The following LYST variants were observed in gnomAD, a reference collection of about 807,000 sequenced individuals.
LYST encodes the protein lysosomal-trafficking regulator.
Under a neutral mutation model 413.6 loss-of-function variants are expected in LYST, and 192 were observed. That is an observed-to-expected ratio of 0.46 (90% CI 0.41 to 0.52). The LOEUF is 0.52. Among genes scored for constraint, LYST ranks in the 20% least tolerant of loss-of-function variants. The pLI, the probability that LYST is intolerant of heterozygous loss-of-function variation, is 0.00. For synonymous variants in LYST, 1,525 were observed against 1,567.3 expected (o/e 0.97, Z 0.64); for missense variants, 3,815 against 4,499.9 (o/e 0.85, Z 4.35).
intron 3 of LYST, among the ~76,000 whole-genome samples, chr1:235,828,504 A>C (rs1307821611): frequency 6.6e-6 from 1 of 152,182 alleles, no homozygotes; most frequent in African/African-American, 2.4e-5. Flanking sequence ...GGATCTATAG[A>C]TTTGGAGAAA....
chr1:235,873,643 A>C (rs532750695), intron 1 of LYST, among the ~76,000 whole-genome samples: 4 of 152,224 alleles, frequency 2.6e-5, no homozygotes, highest in Admixed American at 2.6e-4. Flanking sequence ...ATTGAGCATA[A>C]TTCTTAGCCA....
intron 9 of LYST, 121 bp downstream of exon 9, chr1:235,800,750 C>G: frequency 1.4e-6 from 1 of 711,546 alleles, no homozygotes; most frequent in Non-Finnish European, 2.4e-6. Flanking sequence ...ACCTGAGGTA[C>G]CAGAAAAGAT....
At chr1:235,714,678 T>G (rs891727115) in intron 42 of LYST, among the ~76,000 whole-genome samples, 1 of 152,236 alleles carries the variant, frequency 6.6e-6, no homozygotes, top group Non-Finnish European at 1.5e-5. Context: ...CTAAGTCATG[T>G]TCAGGCCTCC....
At position 235,664,685 on chromosome 1, in the gene LYST, C is replaced by T; in HGVS notation, c.11039-64G>A. ...GGCTGTCTCAGAGCCCACATTTGGC[C>T]CCAGAAGGGCAACCCTGAAGGGCAA... On this transcript the variant is annotated intron_variant, in intron 50 of 52. Transcript: ENST00000389793. The surrounding 1 kb of genome is among the most constrained non-coding windows in gnomAD (Gnocchi z 4.5). 2.0e-5 allele frequency: 30 copies of T among 1,519,498 alleles called. No homozygotes were observed. Among genetic ancestry groups the T allele is most frequent in the Non-Finnish European group, 2.7e-5 (30 of 1,095,818 alleles). 94.1% of individuals were successfully genotyped at this position (1,519,498 alleles called of 1,614,324 possible).
chr1:235,754,944 C>A (rs994020371), intron 25 of LYST, among the ~76,000 whole-genome samples: 1 of 151,282 alleles, frequency 6.6e-6, no homozygotes, highest in Non-Finnish European at 1.5e-5. Flanking sequence ...TGTGGTGGTG[C>A]GTGCCTGTAA....
chr1:235,766,229 A>T lies in LYST; in HGVS notation c.5971T>A (p.Ser1991Thr), dbSNP rs999648750. The T allele has an allele frequency of 6.2e-7, 1 of 1,613,358 alleles. No homozygotes were observed. The highest frequency in any genetic ancestry group is 1.7e-5 in the Admixed American group (1 of 59,970). ...ACTTCTGCTATAATTTTCACAAATG[A>T]TCTACAAACCTCTCGGGGCATGGGT... ...LTPMPREVCR[S>T]FVKIIAEVLG... Residue 1991 changes from serine (S) to threonine (T), a missense_variant, in exon 21 of 53, where the codon TCA (serine) becomes ACA (threonine). Transcript: ENST00000389793.
At chr1:235,668,235 T>A (rs1658660430) in intron 50 of LYST, among the ~76,000 whole-genome samples, 1 of 152,118 alleles carries the variant, frequency 6.6e-6, no homozygotes, top group African/African-American at 2.4e-5. Flanking sequence ...TTAAGATCAC[T>A]TGGATGATAT....
chr1:235,840,021 G>C (rs1257883331), intron 1 of LYST: 2 of 151,918 alleles, frequency 1.3e-5, no homozygotes, highest in Non-Finnish European at 2.9e-5. Context: ...CGAATTTTAG[G>C]AACTCTGTAC....
In LYST at chr1:235,808,436, C is replaced by CA. The variant is rs756389940; in HGVS notation, c.2363+18dup. The CA allele has an allele frequency of 1.2e-6, 2 of 1,610,790 alleles. No homozygotes were observed. The highest frequency in any genetic ancestry group is 3.4e-5 in the Admixed American group (2 of 59,430). The stretch of plus-strand genomic sequence containing the variant: ...GCTCAACAACCCCCGCCCCCGCCGC[C>CA]ACCCACACACATACAAACCTGGATT... On this transcript the variant is annotated intron_variant, in intron 5 of 52. Transcript: ENST00000389793.
At chr1:235,758,018 C>G (rs1558198531) in intron 23 of LYST, among the ~76,000 whole-genome samples, 1 of 152,044 alleles carries the variant, frequency 6.6e-6, no homozygotes, top group Non-Finnish European at 1.5e-5. Context: ...AGAATATCCT[C>G]TCAAGAACCA....
chr1:235,724,037 A>G lies in LYST; in HGVS notation c.9306T>C (p.Asp3102=). The G allele has an allele frequency of 6.2e-7, 1 of 1,613,682 alleles. No homozygotes were observed. The highest frequency in any genetic ancestry group is 8.5e-7 in the Non-Finnish European group (1 of 1,179,628). The change falls in exon 39 of 53, where the codon GAT becomes GAC. Residue 3102 remains aspartate (D), a synonymous_variant. Coordinates refer to ENST00000389793, the MANE Select transcript of LYST (RefSeq NM_000081.4). ...ATAAGGGTGAATTTACCTTGGTGTT[A>G]TCAAATGCCAACAGGAGTGTTCTGC... The part of the protein sequence containing the change: ...TNGRTLLLAF[D]NTKVRDDVYH...
In LYST at chr1:235,744,224, T is replaced by C. The variant is rs548183627; in HGVS notation, c.7973-67A>G. 7.4e-5 allele frequency: 60 copies of C among 816,322 alleles called. No homozygotes were observed. The South Asian group carries it at 8.6e-4, about 12-fold the overall frequency. The allele number at this position is 816,322 out of a possible 1,614,324, so 50.6% of individuals were successfully genotyped here. A position where few individuals can be genotyped will look rare whatever the true frequency, so the allele number is the denominator to read the frequency against. Reference sequence around the variant, plus strand: ...GCTATCTTGCCATTATAAATAGTAATAATACTGGTAAAAAATATTGTATTT... The same window carrying C: ...GCTATCTTGCCATTATAAATAGTAACAATACTGGTAAAAAATATTGTATTT... On this transcript the variant is annotated intron_variant, in intron 29 of 52. Coordinates refer to ENST00000389793, the MANE Select transcript of LYST (RefSeq NM_000081.4).
intron 50 of LYST, among the ~76,000 whole-genome samples, chr1:235,670,859 G>A (rs1658883122): frequency 6.6e-6 from 1 of 152,140 alleles, no homozygotes; most frequent in Non-Finnish European, 1.5e-5. Flanking sequence ...ACCCCATACA[G>A]TCAGGAAACT....
chr1:235,809,893 G>T lies in LYST; in HGVS notation c.925C>A (p.Arg309=), dbSNP rs370022675. The T allele has an allele frequency of 1.2e-6, 2 of 1,613,910 alleles. No homozygotes were observed. Among genetic ancestry groups the T allele is most frequent in the Admixed American group, 1.7e-5 (1 of 59,958 alleles). The change falls in exon 5 of 53, where the codon CGA becomes AGA. Residue 309 remains arginine, a synonymous_variant. Transcript: ENST00000389793. The surrounding 1 kb of genome is among the most constrained non-coding windows in gnomAD (Gnocchi z 4.0). ...CCSLSDNLES[R]VVSAGWTEEP... ...TCGGTCCAACCTGCAGAAACTACTCGACTCTCCAAGTTGTCGCTCAGACTG... is the reference window on the plus strand; with the variant it reads ...TCGGTCCAACCTGCAGAAACTACTCTACTCTCCAAGTTGTCGCTCAGACTG...
In LYST at chr1:235,752,135, A is replaced by T. The variant is rs757227472; in HGVS notation, c.7497T>A (p.Asp2499Glu). Residue 2499 changes from aspartate to glutamate, a missense_variant, in exon 27 of 53, where the codon GAT becomes GAA. Transcript: ENST00000389793. ...TAACTGCTATGAAAAGTTGCTGTAT[A>T]TCACAAGCAAGCAATTTATATTCAC... is the stretch of plus-strand genomic sequence containing the variant. ...PMSEYKLLAC[D>E]IQQLFIAVTI... 2 of 1,611,906 alleles carry T rather than the reference A, an allele frequency of 1.2e-6. No individual in the cohort carries two copies. Among genetic ancestry groups the T allele is most frequent in the South Asian group, 2.2e-5 (2 of 91,018 alleles).
chr1:235,792,127 T>A lies in LYST; in HGVS notation c.4117-2A>T. 6.3e-7 allele frequency: 1 copy of A among 1,587,830 alleles called. No homozygotes were observed. Among genetic ancestry groups the A allele is most frequent in the African/African-American group, 1.3e-5 (1 of 74,406 alleles). On this transcript the variant is annotated splice_acceptor_variant, in intron 11 of 52. Coordinates refer to ENST00000389793, the MANE Select transcript of LYST (RefSeq NM_000081.4). LOFTEE classifies it high-confidence loss of function. ...CAGAATACCCAGAAGAAGAATTTTC[T>A]AGAGAAAAAGAAAAACAAATGAAAC...
exon 1 of LYST, chr1:235,883,316 T>G (rs1681459655): frequency 6.6e-6 from 1 of 152,624 alleles, no homozygotes; most frequent in South Asian, 2.1e-4. Flanking sequence ...GTCTCTTGTT[T>G]GCAGTTAGAT....
intron 40 of LYST, 75 bp from the exon 41 acceptor site, chr1:235,716,853 T>C (rs1022336104): frequency 4.8e-6 from 4 of 838,926 alleles, no homozygotes; most frequent in Non-Finnish European, 8.2e-6. Flanking sequence ...TGTCTGCATC[T>C]TGTAAGTAGG....
intron 31 of LYST, chr1:235,738,061 A>G: frequency 1.9e-6 from 3 of 1,591,470 alleles, no homozygotes; most frequent in Non-Finnish European, 2.6e-6. Flanking sequence ...ATCCTCCAGA[A>G]TAAGATTACA....
Sources: allele counts gnomAD v4.1 joint callset (sites outside exome capture counted in the v4.1 genomes callset), GRCh38; gene constraint gnomAD v4.1.1; non-coding constraint Gnocchi (gnomAD v3.1); transcripts MANE v1.5; gene names NCBI Gene and HGNC (gene_info 2026-07-23, HGNC 2026-07-21).